The following UGT1A1 variants were observed in gnomAD, a reference collection of about 807,000 sequenced individuals.
UGT1A1 encodes UDP glucuronosyltransferase family 1 member A1.
A neutral mutation model predicts 40.6 loss-of-function variants in UGT1A1; 33 were observed. The ratio of observed to expected loss-of-function variants is 0.81; its 90% confidence interval spans 0.62 to 1.09. The LOEUF is 1.09. Ranked by LOEUF, UGT1A1 falls within the 50% of genes least tolerant of loss-of-function variation. The pLI is 0.00. For synonymous variants in UGT1A1, 249 were observed against 265.0 expected (o/e 0.94, Z 0.59); for missense variants, 694 against 671.2 (o/e 1.03, Z -0.38).
intron 1 of UGT1A1, among the ~76,000 whole-genome samples, chr2:233,766,038 C>T (rs1161510573): frequency 6.6e-6 from 1 of 152,144 alleles, no homozygotes; most frequent in African/African-American, 2.4e-5. Context: ...CCTCTATAGT[C>T]AGCTTGTGTT....
At chr2:233,768,006 T>C in intron 3 of UGT1A1, 70 bp downstream of exon 3, 1 of 1,614,080 alleles carries the variant, frequency 6.2e-7, no homozygotes, top group South Asian at 1.1e-5. Context: ...AGCACAGCTA[T>C]TCTAAAGGAT....
chr2:233,771,766 C>T (rs1025155606), intron 4 of UGT1A1, among the ~76,000 whole-genome samples: 1 of 151,968 alleles, frequency 6.6e-6, no homozygotes, highest in African/African-American at 2.4e-5. Context: ...CTTCCTCCGT[C>T]CCTCTCTCCT....
At chr2:233,763,858 C>A (rs577598991) in intron 1 of UGT1A1, among the ~76,000 whole-genome samples, 1 of 152,130 alleles carries the variant, frequency 6.6e-6, no homozygotes, top group Admixed American at 6.5e-5. Flanking sequence ...GGTTCACAGA[C>A]AATCGCAATG....
At chr2:233,761,183 A>C in intron 1 of UGT1A1, 32 bp downstream of exon 1, 1 of 1,614,192 alleles carries the variant, frequency 6.2e-7, no homozygotes, top group East Asian at 2.2e-5. Flanking sequence ...TTACATGCGT[A>C]TATTCTTTCA....
intron 1 of UGT1A1, among the ~76,000 whole-genome samples, chr2:233,762,455 C>T (rs960271633): frequency 3.9e-5 from 6 of 152,100 alleles, no homozygotes; most frequent in Admixed American, 6.5e-5. Flanking sequence ...GCCCACTTAC[C>T]GATAATGTCA....
In UGT1A1 at chr2:233,768,225, C is replaced by T; in HGVS notation, c.1090C>T (p.Pro364Ser). 6.2e-7 allele frequency: 1 copy of T among 1,614,112 alleles called. No homozygotes were observed. The highest frequency in any genetic ancestry group is 8.5e-7 in the Non-Finnish European group (1 of 1,180,032). Reference protein sequence around the residue: ...WLPQNDLLGHPMTRAFITHAG... With the variant: ...WLPQNDLLGHSMTRAFITHAG... Reference sequence around the variant, plus strand: ...CTCCCTATTTTGCATCTCAGGTCACCCGATGACCCGTGCCTTTATCACCCA... The same window carrying T: ...CTCCCTATTTTGCATCTCAGGTCACTCGATGACCCGTGCCTTTATCACCCA... Residue 364 changes from proline (P) to serine (S), a missense_variant, in exon 4 of 5, where the codon CCG becomes TCG. Pro to Ser is a moderately conservative substitution (Grantham distance 74). Transcript: ENST00000305208.
chr2:233,764,332 A>G (rs1422714629), intron 1 of UGT1A1, among the ~76,000 whole-genome samples: 2 of 152,124 alleles, frequency 1.3e-5, no homozygotes, highest in Non-Finnish European at 2.9e-5. Flanking sequence ...CAAGTAGGGG[A>G]TGGACTTCAC....
At chr2:233,767,711 C>G (rs990338657) in intron 2 of UGT1A1, 138 bp from the exon 3 acceptor site, 47 of 1,530,966 alleles carry the variant, frequency 3.1e-5, no homozygotes, top group Non-Finnish European at 4.1e-5. Flanking sequence ...TCCTCAGAAG[C>G]CTTCACAGTT....
intron 3 of UGT1A1, 26 bp downstream of exon 3, chr2:233,767,962 G>A: frequency 5.0e-6 from 8 of 1,614,120 alleles, no homozygotes; most frequent in Non-Finnish European, 5.9e-6. Flanking sequence ...TGGATGTATA[G>A]GTCAAACCAG....
chr2:233,772,337 C>T lies in UGT1A1; in HGVS notation c.1380C>T (p.Phe460=). The change falls in exon 5 of 5, where the codon TTC becomes TTT. Residue 460 remains phenylalanine (F), a synonymous_variant. Transcript: ENST00000305208. ...RPVEPLDLAV[F]WVEFVMRHKG... is the part of the protein sequence containing the mutation. ...TGGAGCCGCTGGACCTGGCCGTGTTCTGGGTGGAGTTTGTGATGAGGCACA... is the reference window on the plus strand; with the variant it reads ...TGGAGCCGCTGGACCTGGCCGTGTTTTGGGTGGAGTTTGTGATGAGGCACA... 6.2e-7 allele frequency: 1 copy of T among 1,614,256 alleles called. No individual in the cohort carries two copies. The highest frequency in any genetic ancestry group is 8.5e-7 in the Non-Finnish European group (1 of 1,180,042).
At chr2:233,770,165 A>G (rs941175167) in intron 4 of UGT1A1, 2 of 152,226 alleles carry the variant, frequency 1.3e-5, no homozygotes, top group Admixed American at 1.3e-4. Context: ...ACACAAATCA[A>G]TGAGCTCAAC....
At position 233,767,890 on chromosome 2, in the gene UGT1A1, G is replaced by C; in HGVS notation, c.1038G>C (p.Ala346=). The C allele has an allele frequency of 6.2e-7, 1 of 1,614,096 alleles. No individual in the cohort carries two copies. The highest frequency in any genetic ancestry group is 8.5e-7 in the Non-Finnish European group (1 of 1,180,038). Residue 346 remains alanine (A), a synonymous_variant, in exon 3 of 5, where the codon GCG becomes GCC. Coordinates refer to ENST00000305208, the MANE Select transcript of UGT1A1 (RefSeq NM_000463.3). The part of the protein sequence containing the change: ...RYTGTRPSNL[A]NNTILVKWLP... ...CTGGAACCCGACCATCGAATCTTGCGAACAACACGATACTTGTTAAGTGGC... is the reference window on the plus strand; with the variant it reads ...CTGGAACCCGACCATCGAATCTTGCCAACAACACGATACTTGTTAAGTGGC...
intron 1 of UGT1A1, 88 bp downstream of exon 1, chr2:233,761,239 G>A (rs147865713): frequency 6.2e-7 from 1 of 1,612,198 alleles, no homozygotes; most frequent in Admixed American, 1.7e-5. Context: ...TATATGCTGA[G>A]CAAGCATTCT....
chr2:233,772,688 G>A lies in UGT1A1; in HGVS notation c.*129G>A, dbSNP rs1369161059. The A allele has an allele frequency of 1.3e-6, 2 of 1,494,182 alleles. No individual in the cohort carries two copies. Among genetic ancestry groups the A allele is most frequent in the Non-Finnish European group, 1.8e-6 (2 of 1,128,718 alleles). 92.6% of individuals were successfully genotyped at this position (1,494,182 alleles called of 1,614,324 possible). A position where few individuals can be genotyped will look rare whatever the true frequency, so the allele number is the denominator to read the frequency against. Reference sequence around the variant, plus strand: ...ACTTTGCATAAATTAATCAGCCCCAGAGTGCTTTAAAAAATTCTCTTAAAT... The same window carrying A: ...ACTTTGCATAAATTAATCAGCCCCAAAGTGCTTTAAAAAATTCTCTTAAAT... On this transcript the variant is annotated 3_prime_UTR_variant, in exon 5 of 5. Transcript: ENST00000305208.
At chr2:233,761,418 C>T (rs1559408324) in intron 1 of UGT1A1, among the ~76,000 whole-genome samples, 1 of 152,184 alleles carries the variant, frequency 6.6e-6, no homozygotes, top group Admixed American at 6.5e-5. Context: ...AAACAACAAG[C>T]TGTTAAATGC....
rs149047303 is a variant in UGT1A1, at chr2:233,763,705, A to G, written c.864+2554A>G. Among the ~76,000 whole-genome samples, 745 of 152,324 alleles carry G rather than the reference A, an allele frequency of 4.9e-3. 10 individuals carry two copies. Among genetic ancestry groups the G allele is most frequent in the African/African-American group, 0.017 (698 of 41,584 alleles). ...AAGATAAAACTTTTATTGCACAAAG[A>G]AGTCCATAGAGAAAGCACAACCTGG... On this transcript the variant is annotated intron_variant, in intron 1 of 4. Coordinates refer to ENST00000305208, the MANE Select transcript of UGT1A1 (RefSeq NM_000463.3).
Position 233,760,915 on chromosome 2 carries a change from GT to G in UGT1A1, c.629del (p.Val210GlyfsTer33). Reference sequence around the variant, plus strand: ...AGATCACATGACCTTCCTGCAGCGGGTGAAGAACATGCTCATTGCCTTTTCA... The same window carrying G: ...AGATCACATGACCTTCCTGCAGCGGGGAAGAACATGCTCATTGCCTTTTCA... ...HSDHMTFLQR[V>X]KNMLIAFSQN... On this transcript the variant is annotated frameshift_variant, in exon 1 of 5. Coordinates refer to ENST00000305208, the MANE Select transcript of UGT1A1 (RefSeq NM_000463.3). LOFTEE classifies it high-confidence loss of function. 6.2e-7 allele frequency: 1 copy of G among 1,614,180 alleles called. No individual in the cohort carries two copies. Among genetic ancestry groups the G allele is most frequent in the Non-Finnish European group, 8.5e-7 (1 of 1,180,036 alleles).
intron 1 of UGT1A1, among the ~76,000 whole-genome samples, chr2:233,764,613 G>C (rs1465626858): frequency 6.6e-6 from 1 of 152,080 alleles, no homozygotes; most frequent in Admixed American, 6.5e-5. Context: ...GTAAGAGTGG[G>C]TTTCATGAAG....
rs752018052 is a variant in UGT1A1 at position 233,760,284 on chromosome 2, C to G, written c.-4C>G. ...GGCGAACCTCTGGCAGGAGCAAAGG[C>G]GCCATGGCTGTGGAGTCCCAGGGCG... On this transcript the variant is annotated 5_prime_UTR_variant, in exon 1 of 5. Transcript: ENST00000305208. The G allele has an allele frequency of 6.2e-7, 1 of 1,612,882 alleles. No homozygotes were observed. The highest frequency in any genetic ancestry group is 8.5e-7 in the Non-Finnish European group (1 of 1,179,950).
Sources: allele counts gnomAD v4.1 joint callset (sites outside exome capture counted in the v4.1 genomes callset), GRCh38; gene constraint gnomAD v4.1.1; transcripts MANE v1.5; gene names NCBI Gene and HGNC (gene_info 2026-07-23, HGNC 2026-07-21).